DAB1: variants seen among roughly 807,000 people sequenced by gnomAD.
The protein encoded by DAB1 is disabled homolog 1.
DAB1 carries 15 observed loss-of-function variants against 64.6 expected under a neutral mutation model. That is an observed-to-expected ratio of 0.23 (90% CI 0.16 to 0.36). The LOEUF (loss-of-function observed/expected upper bound fraction) is 0.36. Ranked by LOEUF, DAB1 falls within the 10% of genes least tolerant of loss-of-function variation. The probability of loss-of-function intolerance (pLI) is 1.00; values close to 1 mark genes in which losing one functional copy is unlikely to be tolerated. For synonymous variants in DAB1, 235 were observed against 251.9 expected, an observed-to-expected ratio of 0.93 and a Z score of 0.64; for missense variants, 596 against 706.7, an observed-to-expected ratio of 0.84 and a Z score of 1.78.
chr1:58,438,113 G>A (rs1038003245), intron 3 of DAB1, among the ~76,000 whole-genome samples: 37 of 152,238 alleles, frequency 2.4e-4, no homozygotes, highest in African/African-American at 6.5e-4. Flanking sequence ...GCTGCAATCC[G>A]TCTGTCCTTC....
At chr1:58,168,928 G>A (rs549647248) in intron 4 of DAB1, among the ~76,000 whole-genome samples, 28 of 152,242 alleles carry the variant, frequency 1.8e-4, no homozygotes, top group Admixed American at 2.6e-4. Flanking sequence ...GATTTTTCTC[G>A]GTCCTCTTTG....
chr1:58,466,545 A>G (rs2100321821), intron 3 of DAB1, among the ~76,000 whole-genome samples: 1 of 152,076 alleles, frequency 6.6e-6, no homozygotes, highest in Admixed American at 6.5e-5. Flanking sequence ...GATGAATGGG[A>G]TACTCGGGAA....
chr1:58,335,607 G>A (rs199723127), intron 4 of DAB1, among the ~76,000 whole-genome samples: 68 of 56,744 alleles, frequency 1.2e-3, no homozygotes, highest in African/African-American at 3.9e-3. Context: ...GGGTGGAAAC[G>A]GGGGATAACC....
At position 57,908,453 on chromosome 1, in the gene DAB1, G is replaced by C. The variant is rs184117580; in HGVS notation, n.388-24291C>G. 3.3e-5 allele frequency among the ~76,000 whole-genome samples: 5 copies of C among 152,276 alleles called. No homozygotes were observed. In the East Asian group the frequency reaches 7.7e-4, roughly 24 times the overall value. On this transcript the variant is annotated intron_variant and non_coding_transcript_variant, in intron 5 of 20. Transcript: ENST00000485760. ...AGCCAGGGAGGGAGGAAATGAGGGAGAGCACTAGCAACCCCTCCTCCCGCA... is the reference window on the plus strand; with the variant it reads ...AGCCAGGGAGGGAGGAAATGAGGGACAGCACTAGCAACCCCTCCTCCCGCA...
intron 11 of DAB1, among the ~76,000 whole-genome samples, chr1:57,019,923 AAG>A (rs1646559378): frequency 6.6e-6 from 1 of 152,224 alleles, no homozygotes; most frequent in Non-Finnish European, 1.5e-5. Flanking sequence ...AAAAGAAAAA[AAG>A]GCAGACTGAA....
chr1:57,389,815 C>T (rs78748550), intron 1 of DAB1, among the ~76,000 whole-genome samples: 16,527 of 152,144 alleles, frequency 0.11, 981 homozygotes, highest in Admixed American at 0.13. Flanking sequence ...ATTTAGATAC[C>T]TAACTCCCCC....
intron 4 of DAB1, among the ~76,000 whole-genome samples, chr1:58,225,390 G>A (rs1659410772): frequency 6.6e-6 from 1 of 152,004 alleles, no homozygotes; most frequent in African/African-American, 2.4e-5. Context: ...CAACCATTGT[G>A]GAAGTCAGTG....
At chr1:57,779,917 A>G (rs1284766989) in intron 6 of DAB1, among the ~76,000 whole-genome samples, 2 of 152,170 alleles carry the variant, frequency 1.3e-5, no homozygotes, top group African/African-American at 2.4e-5. Flanking sequence ...AGGCCACCAA[A>G]GCCATTTTCT....
chr1:58,454,178 A>G (rs1459807684), intron 3 of DAB1, among the ~76,000 whole-genome samples: 1 of 152,184 alleles, frequency 6.6e-6, no homozygotes, highest in Non-Finnish European at 1.5e-5. Flanking sequence ...ACGGGATCAA[A>G]TGGCCTATGA....
chr1:58,470,873 A>G (rs1645350082), intron 3 of DAB1, among the ~76,000 whole-genome samples: 3 of 152,020 alleles, frequency 2.0e-5, no homozygotes, highest in Admixed American at 6.6e-5. Flanking sequence ...GAGCGAACCT[A>G]CTGCCCCTGG....
At chr1:57,678,171 G>A (rs1646590647) in intron 6 of DAB1, among the ~76,000 whole-genome samples, 1 of 152,130 alleles carries the variant, frequency 6.6e-6, no homozygotes, top group Non-Finnish European at 1.5e-5. Flanking sequence ...AAGAGGAAGG[G>A]AAAGAGCAAA....
At chr1:58,355,305 G>A (rs1466002849) in intron 3 of DAB1, among the ~76,000 whole-genome samples, 1 of 152,134 alleles carries the variant, frequency 6.6e-6, no homozygotes, top group Non-Finnish European at 1.5e-5. Context: ...GCATGCAATG[G>A]CAAATGTGAA....
chr1:58,380,225 C>T (rs992190665), intron 3 of DAB1, among the ~76,000 whole-genome samples: 2 of 152,206 alleles, frequency 1.3e-5, no homozygotes, highest in African/African-American at 4.8e-5. Flanking sequence ...GTAATTGGAT[C>T]ATGGGCAATT....
At chr1:58,373,541 A>G (rs1405211412) in intron 3 of DAB1, among the ~76,000 whole-genome samples, 2 of 151,296 alleles carry the variant, frequency 1.3e-5, no homozygotes, top group Non-Finnish European at 3.0e-5. Flanking sequence ...CATGGTGTAT[A>G]TGTGCCACAT....
intron 3 of DAB1, among the ~76,000 whole-genome samples, chr1:58,500,716 A>T (rs907443843): frequency 6.6e-6 from 1 of 152,168 alleles, no homozygotes; most frequent in African/African-American, 2.4e-5. Context: ...CAAATTAAAT[A>T]TTTTTCCTAT....
At chr1:57,941,807 C>A (rs1389109405) in intron 5 of DAB1, among the ~76,000 whole-genome samples, 3 of 152,000 alleles carry the variant, frequency 2.0e-5, no homozygotes, top group Non-Finnish European at 4.4e-5. Flanking sequence ...TGCACTCCAG[C>A]CTGGGCGACA....
rs183166553 is a variant in DAB1, at chr1:57,246,604, G to T, written c.67+44360C>A. On this transcript the variant is annotated intron_variant, in intron 2 of 14. Transcript: ENST00000371236. ...AGAGTCCTCAATGAGACAATGCCTAGTGGAGCTGTGAGAGGAGGGACACTG... is the reference window on the plus strand; with the variant it reads ...AGAGTCCTCAATGAGACAATGCCTATTGGAGCTGTGAGAGGAGGGACACTG... Among the ~76,000 whole-genome samples the T allele has an allele frequency of 1.6e-3, 240 of 152,334 alleles. 2 individuals carry two copies. The highest frequency in any genetic ancestry group is 5.3e-3 in the African/African-American group (222 of 41,582).
At chr1:57,679,886 G>C (rs757520788) in intron 6 of DAB1, among the ~76,000 whole-genome samples, 29 of 152,114 alleles carry the variant, frequency 1.9e-4, no homozygotes, top group Non-Finnish European at 3.5e-4. Flanking sequence ...AGCTAACATG[G>C]TAACCCCATG....
intron 3 of DAB1, among the ~76,000 whole-genome samples, chr1:58,383,702 A>G (rs1156299842): frequency 2.0e-5 from 3 of 152,086 alleles, no homozygotes; most frequent in African/African-American, 7.2e-5. Context: ...CAGCTCAAAT[A>G]TTTCTGCCTT....
Sources: gnomAD v4.1 joint callset for allele counts (sites outside exome capture counted in the v4.1 genomes callset) on GRCh38, gnomAD v4.1.1 for gene constraint, MANE v1.5 for transcripts, NCBI Gene and HGNC (gene_info 2026-07-23, HGNC 2026-07-21) for gene names.